KCNQ2: variants seen among roughly 807,000 people sequenced by gnomAD.
KCNQ2 encodes potassium voltage-gated channel subfamily KQT member 2.
KCNQ2 carries 14 observed loss-of-function variants against 84.8 expected under a neutral mutation model. The observed-to-expected ratio is 0.17, with a 90% CI of 0.11 to 0.26. The LOEUF is 0.26. Among genes scored for constraint, KCNQ2 ranks in the 10% least tolerant of loss-of-function variants. The pLI is 1.00. For synonymous variants in KCNQ2, 599 were observed against 554.1 expected (o/e 1.08, Z -1.14); for missense variants, 788 against 1,254.0 (o/e 0.63, Z 5.61).
intron 1 of KCNQ2, among the ~76,000 whole-genome samples, chr20:63,464,136 T>C (rs1243442500): frequency 4.6e-5 from 7 of 152,022 alleles, no homozygotes; most frequent in African/African-American, 1.7e-4. Flanking sequence ...GAAAACATCC[T>C]CATCCCCAAA....
At chr20:63,432,088 A>ACAGGGAAGGCCCCACCCT (rs1308101818) in intron 8 of KCNQ2, among the ~76,000 whole-genome samples, 17 of 110,882 alleles carry the variant, frequency 1.5e-4, no homozygotes, top group African/African-American at 3.2e-4. Context: ...GGCCCCACCC[A>ACAGGGAAGGCCCCACCCT]CAGGGAAGGC....
intron 1 of KCNQ2, among the ~76,000 whole-genome samples, chr20:63,452,361 G>A (rs1015255437): frequency 2.6e-5 from 4 of 152,176 alleles, no homozygotes; most frequent in African/African-American, 9.7e-5. Context: ...TCCATGTTGC[G>A]GTCTTGAGGA....
intron 8 of KCNQ2, among the ~76,000 whole-genome samples, chr20:63,432,782 C>A (rs1185699665): frequency 1.7e-5 from 2 of 118,356 alleles, no homozygotes; most frequent in Non-Finnish European, 2.1e-5. Context: ...TCAGGGAAGG[C>A]CCCACCCTCA....
chr20:63,431,300 C>CCACA, intron 9 of KCNQ2, 40 bp downstream of exon 9: 1 of 1,599,242 alleles, frequency 6.3e-7, no homozygotes, highest in Non-Finnish European at 8.6e-7. Context: ...AGAACTAGAA[C>CCACA]CACACACACA....
chr20:63,445,500 G>GA, intron 2 of KCNQ2, 136 bp from the exon 3 acceptor site: 2 of 448,044 alleles, frequency 4.5e-6, no homozygotes, highest in East Asian at 3.6e-5. Context: ...ACTGCAAGCT[G>GA]ACCCCCCCAC....
chr20:63,414,129 C>T lies in KCNQ2; in HGVS notation c.1590G>A (p.Glu530=). 5 of 1,613,752 alleles carry T rather than the reference C, an allele frequency of 3.1e-6. No homozygotes were observed. The highest frequency in any genetic ancestry group is 1.1e-5 in the South Asian group (1 of 91,078). ...DKSCPCEFVT[E]DLTPGLKVSI... ...TGACTTTGAGGCCCGGGGTCAGGTC[C>T]TCGGTCACAAACTCGCAGGGGCAGC... The change falls in exon 14 of 17, where the codon GAG becomes GAA. Residue 530 remains glutamate, a synonymous_variant. Transcript: ENST00000359125. This position sits in a 1 kb window ranked among gnomAD's most constrained non-coding sequence, Gnocchi z 6.6.
chr20:63,415,239 C>G (rs1437801230), intron 12 of KCNQ2, 113 bp from the exon 13 acceptor site: 10 of 998,952 alleles, frequency 1.0e-5, no homozygotes, highest in Non-Finnish European at 1.5e-5. Flanking sequence ...CGGAGGGAGA[C>G]ACAGGTCTGA....
Position 63,433,908 on chromosome 20 carries a change from G to C in KCNQ2, c.1024-5C>G. The C allele has an allele frequency of 1.2e-6, 2 of 1,612,974 alleles. No homozygotes were observed. The highest frequency in any genetic ancestry group is 1.7e-6 in the Non-Finnish European group (2 of 1,179,654). ...GGCGTAGAATCTCCAGGCCGACTGC[G>C]GAGGGAAAGACAAGGCAGTTGGCGA... is the stretch of plus-strand genomic sequence containing the variant. On this transcript the variant is annotated splice_region_variant and splice_polypyrimidine_tract_variant and intron_variant, in intron 7 of 16. Transcript: ENST00000359125.
In KCNQ2 at chr20:63,436,327, C is replaced by A. The variant is rs184852028; in HGVS notation, c.1023+2298G>T. On this transcript the variant is annotated intron_variant, in intron 7 of 16. Transcript: ENST00000359125. ...CGGGAGGATCACGAAGTCAGGAGAT[C>A]GAGACCATCCTGGCTAACACGGTGA... 3.7e-4 allele frequency among the ~76,000 whole-genome samples: 56 copies of A among 152,218 alleles called. 1 individual carries two copies. The highest frequency in any genetic ancestry group is 2.1e-3 in the Admixed American group (32 of 15,292).
chr20:63,429,854 C>G (rs2080741429), intron 9 of KCNQ2, among the ~76,000 whole-genome samples: 1 of 152,306 alleles, frequency 6.6e-6, no homozygotes, highest in East Asian at 1.9e-4. Flanking sequence ...GTGCCTGGCC[C>G]CTCTTTGTTC....
In KCNQ2 at chr20:63,446,912, A is replaced by T. The variant is rs574130685; in HGVS notation, c.297-75T>A. 2.3e-6 allele frequency: 3 copies of T among 1,309,714 alleles called. No individual in the cohort carries two copies. Among genetic ancestry groups the T allele is most frequent in the East Asian group, 4.6e-5 (2 of 43,416 alleles). The allele number at this position is 1,309,714 out of a possible 1,614,324, so 81.1% of individuals were successfully genotyped here. ...CATGGCTGTGTCTCCAGAACTCAGG[A>T]CCCCACTCCCCACCAGGCCGCAGCA... On this transcript the variant is annotated intron_variant, in intron 1 of 16. Transcript: ENST00000359125. This position sits in a 1 kb window ranked among gnomAD's most constrained non-coding sequence, Gnocchi z 5.5.
At chr20:63,418,119 C>T (rs1009544492) in intron 12 of KCNQ2, among the ~76,000 whole-genome samples, 8 of 152,218 alleles carry the variant, frequency 5.3e-5, no homozygotes, top group African/African-American at 9.6e-5. Flanking sequence ...TGCAGACACC[C>T]GACCCCGCCA....
At chr20:63,443,526 T>TCAC (rs1278732548) in intron 4 of KCNQ2, 5 of 75,426 alleles carry the variant, frequency 6.6e-5, no homozygotes, top group African/African-American at 3.2e-4. Context: ...ACCATCACCA[T>TCAC]CACCACCACC....
chr20:63,411,779 G>A, intron 15 of KCNQ2: 1 of 615,418 alleles, frequency 1.6e-6, no homozygotes. Context: ...CCTAACCTAG[G>A]TGAGTACTGG....
At chr20:63,467,348 A>AGCTCCTCTACG (rs1232957629) in intron 1 of KCNQ2, among the ~76,000 whole-genome samples, 1 of 152,200 alleles carries the variant, frequency 6.6e-6, no homozygotes, top group South Asian at 2.1e-4. Context: ...CTTCAGGCCC[A>AGCTCCTCTACG]GCTCCTCTAC....
chr20:63,413,856 G>T (rs761028382), intron 14 of KCNQ2, among the ~76,000 whole-genome samples: 1 of 152,194 alleles, frequency 6.6e-6, no homozygotes, highest in African/African-American at 2.4e-5. Context: ...GGTGGAGCCC[G>T]GCCTCAGGCC....
At chr20:63,472,032 G>C in intron 1 of KCNQ2, 136 bp downstream of exon 1, 1 of 608,546 alleles carries the variant, frequency 1.6e-6, no homozygotes. Flanking sequence ...CACTCCCGCC[G>C]GGGAGCGCCG....
At chr20:63,409,168 G>C (rs186764357) in intron 15 of KCNQ2, among the ~76,000 whole-genome samples, 8 of 152,396 alleles carry the variant, frequency 5.2e-5, no homozygotes, top group Non-Finnish European at 1.0e-4. Flanking sequence ...GCACAAACCA[G>C]AAGAGGGGAG....
chr20:63,406,845 G>A lies in KCNQ2; in HGVS notation c.2418C>T (p.Ser806=). ...EELERSFSGF[S]ISQSKENLDA... ...CCAGGTTCTCCTTGGACTGGGAGATGCTGAAGCCGCTGAAGGAACGCTCCA... is the reference window on the plus strand; with the variant it reads ...CCAGGTTCTCCTTGGACTGGGAGATACTGAAGCCGCTGAAGGAACGCTCCA... Residue 806 remains serine, a synonymous_variant, in exon 17 of 17, where the codon AGC becomes AGT. Transcript: ENST00000359125. The A allele has an allele frequency of 6.2e-7, 1 of 1,612,238 alleles. No homozygotes were observed. Among genetic ancestry groups the A allele is most frequent in the Non-Finnish European group, 8.5e-7 (1 of 1,179,736 alleles).
Sources: gnomAD v4.1 joint callset for allele counts (sites outside exome capture counted in the v4.1 genomes callset) on GRCh38, gnomAD v4.1.1 for gene constraint, Gnocchi (gnomAD v3.1) non-coding constraint, MANE v1.5 for transcripts, NCBI Gene and HGNC (gene_info 2026-07-23, HGNC 2026-07-21) for gene names.